CCDC181: variants seen among roughly 807,000 people sequenced by gnomAD.
The protein encoded by CCDC181 is coiled-coil domain containing 181.
A neutral mutation model predicts 58.7 loss-of-function variants in CCDC181; 35 were observed. That is an observed-to-expected ratio of 0.60 (90% CI 0.46 to 0.79). CCDC181 has a LOEUF of 0.79. Ranked by LOEUF, CCDC181 falls within the 30% of genes least tolerant of loss-of-function variation. The pLI is 0.00. For synonymous variants in CCDC181, 183 were observed against 197.5 expected (o/e 0.93, Z 0.62); for missense variants, 517 against 583.9 (o/e 0.89, Z 1.18).
chr1:169,445,287 C>A (rs1023032897), intron 2 of CCDC181, among the ~76,000 whole-genome samples: 9 of 152,238 alleles, frequency 5.9e-5, no homozygotes, highest in African/African-American at 2.2e-4. Context: ...TTTGTAGATG[C>A]TCTTTAGAAA....
chr1:169,399,910 A>G (rs1372159285), intron 4 of CCDC181, among the ~76,000 whole-genome samples: 1 of 152,156 alleles, frequency 6.6e-6, no homozygotes, highest in African/African-American at 2.4e-5. Flanking sequence ...GGCTCATGAA[A>G]CAGATAGGAG....
intron 2 of CCDC181, among the ~76,000 whole-genome samples, chr1:169,437,095 G>A (rs1455056329): frequency 6.6e-6 from 1 of 152,096 alleles, no homozygotes; most frequent in Admixed American, 6.5e-5. Context: ...GTGGGTGGGG[G>A]TAAGCCAGTG....
chr1:169,395,962 G>A (rs901570942), intron 5 of CCDC181: 1 of 151,640 alleles, frequency 6.6e-6, no homozygotes, highest in African/African-American at 2.4e-5. Flanking sequence ...GATGATATGT[G>A]GTCCTGAATT....
At chr1:169,451,674 AC>A (rs1657542690) in intron 2 of CCDC181, among the ~76,000 whole-genome samples, 1 of 152,044 alleles carries the variant, frequency 6.6e-6, no homozygotes, top group Non-Finnish European at 1.5e-5. Context: ...TACCCAGGTA[AC>A]AAGCATAAAT....
chr1:169,417,278 G>A (rs921123520), intron 4 of CCDC181, among the ~76,000 whole-genome samples: 2 of 152,346 alleles, frequency 1.3e-5, no homozygotes, highest in Middle Eastern at 3.4e-3. Flanking sequence ...ATTGTGACCA[G>A]AGCTTCTGTC....
chr1:169,400,657 G>C (rs1298152440), intron 4 of CCDC181, among the ~76,000 whole-genome samples: 1 of 152,176 alleles, frequency 6.6e-6, no homozygotes, highest in Non-Finnish European at 1.5e-5. Flanking sequence ...GAGAATCTCA[G>C]TAAAGAAATG....
At chr1:169,402,587 C>T (rs1655412335) in intron 4 of CCDC181, among the ~76,000 whole-genome samples, 2 of 151,956 alleles carry the variant, frequency 1.3e-5, no homozygotes, top group African/African-American at 2.4e-5. Flanking sequence ...AATAAAATAC[C>T]TTACAGACAA....
chr1:169,437,816 A>G (rs1208583352), intron 2 of CCDC181, among the ~76,000 whole-genome samples: 1 of 152,218 alleles, frequency 6.6e-6, no homozygotes, highest in African/African-American at 2.4e-5. Context: ...AGTGTACTAT[A>G]AAGTAAATAC....
At chr1:169,435,669 G>A (rs1445106481) in intron 2 of CCDC181, among the ~76,000 whole-genome samples, 1 of 152,098 alleles carries the variant, frequency 6.6e-6, no homozygotes, top group Non-Finnish European at 1.5e-5. Context: ...GTGCTTAACA[G>A]GGACTATTAC....
At chr1:169,422,503 G>A (rs1656527166) in intron 2 of CCDC181, among the ~76,000 whole-genome samples, 190 bp from the exon 3 acceptor site, 1 of 152,084 alleles carries the variant, frequency 6.6e-6, no homozygotes, top group South Asian at 2.1e-4. Flanking sequence ...TGACAGCAAT[G>A]CAGGAAAAAT....
chr1:169,407,459 A>T (rs1369532826), intron 4 of CCDC181, among the ~76,000 whole-genome samples: 2 of 152,046 alleles, frequency 1.3e-5, no homozygotes, highest in Admixed American at 1.3e-4. Flanking sequence ...GCAATGCCTT[A>T]AAAAAAGCAT....
At chr1:169,453,878 C>G (rs978586059) in intron 2 of CCDC181, among the ~76,000 whole-genome samples, 24 of 151,978 alleles carry the variant, frequency 1.6e-4, no homozygotes, top group African/African-American at 5.3e-4. Context: ...GCATAGCTGA[C>G]AAATCCCAGT....
chr1:169,421,276 G>A (rs180738535), intron 3 of CCDC181, 87 bp downstream of exon 3: 3 of 1,048,518 alleles, frequency 2.9e-6, no homozygotes, highest in Admixed American at 2.8e-5. Context: ...GTCTCCAATG[G>A]TTTGAACAAC....
At chr1:169,423,489 T>C (rs1324754290) in intron 2 of CCDC181, among the ~76,000 whole-genome samples, 1 of 152,000 alleles carries the variant, frequency 6.6e-6, no homozygotes, top group East Asian at 1.9e-4. Flanking sequence ...CTGACCCTCT[T>C]ATGTGTCTCT....
At chr1:169,420,259 T>C (rs939828529) in intron 3 of CCDC181, among the ~76,000 whole-genome samples, 1 of 152,232 alleles carries the variant, frequency 6.6e-6, no homozygotes, top group Non-Finnish European at 1.5e-5. Flanking sequence ...CAAGTGTTTT[T>C]ATACCTGAAT....
intron 2 of CCDC181, among the ~76,000 whole-genome samples, chr1:169,449,807 T>C (rs1657483450): frequency 6.6e-6 from 1 of 152,202 alleles, no homozygotes; most frequent in African/African-American, 2.4e-5. Flanking sequence ...CCCACCCAGA[T>C]TGAGTGTGGG....
intron 4 of CCDC181, among the ~76,000 whole-genome samples, chr1:169,405,134 A>G (rs1319175843): frequency 1.3e-5 from 2 of 152,226 alleles, no homozygotes; most frequent in South Asian, 2.1e-4. Flanking sequence ...GGAGAACTAC[A>G]AACCACTGCT....
upstream of CCDC181, among the ~76,000 whole-genome samples, chr1:169,429,908 T>C (rs1656864852): frequency 6.6e-6 from 1 of 152,206 alleles, no homozygotes; most frequent in Admixed American, 6.5e-5. Context: ...GTTTTTCCAA[T>C]GCTATCTTCT....
At chr1:169,454,445 A>G (rs1373258194) in intron 2 of CCDC181, 1 of 152,024 alleles carries the variant, frequency 6.6e-6, no homozygotes, top group Non-Finnish European at 1.5e-5. Flanking sequence ...TGCTCAATTA[A>G]TTGAAGTTTA....
Sources: allele counts gnomAD v4.1 joint callset (sites outside exome capture counted in the v4.1 genomes callset), GRCh38; gene constraint gnomAD v4.1.1; transcripts MANE v1.5; gene names NCBI Gene and HGNC (gene_info 2026-07-23, HGNC 2026-07-21).